Variants in CDH4 observed in about 807,000 individuals in gnomAD.
CDH4 encodes the protein cadherin-4.
CDH4 carries 33 observed loss-of-function variants against 86.0 expected under a neutral mutation model. The observed-to-expected ratio is 0.38, with a 90% confidence interval of 0.29 to 0.51. The LOEUF is 0.51. Ranked by LOEUF, CDH4 falls within the 20% of genes least tolerant of loss-of-function variation. The pLI is 0.86. For missense variants in CDH4, 1,114 were observed against 1,307.4 expected, an observed-to-expected ratio of 0.85 and a Z score of 2.28; for synonymous variants, 555 against 549.4, an observed-to-expected ratio of 1.01 and a Z score of -0.14.
intron 2 of CDH4, among the ~76,000 whole-genome samples, chr20:61,310,493 G>T (rs1568792121): frequency 6.6e-6 from 1 of 152,156 alleles, no homozygotes; most frequent in Non-Finnish European, 1.5e-5. Context: ...CCTCCCATGC[G>T]CGGTTCACAG....
chr20:61,530,181 C>A (rs1407193554), intron 2 of CDH4, among the ~76,000 whole-genome samples: 1 of 152,076 alleles, frequency 6.6e-6, no homozygotes, highest in Non-Finnish European at 1.5e-5. Flanking sequence ...TATAGGGAAC[C>A]ACCCCACACC....
chr20:61,679,845 T>C (rs947267466), intron 2 of CDH4, among the ~76,000 whole-genome samples: 2 of 152,174 alleles, frequency 1.3e-5, no homozygotes, highest in African/African-American at 4.8e-5. Flanking sequence ...GGAGCTTTGC[T>C]TTAGCTCTCA....
At chr20:61,310,783 C>T (rs1474612266) in intron 2 of CDH4, among the ~76,000 whole-genome samples, 2 of 152,152 alleles carry the variant, frequency 1.3e-5, no homozygotes, top group African/African-American at 4.8e-5. Flanking sequence ...GATCCTGTCT[C>T]CTTTTTGTAT....
chr20:61,520,396 A>G (rs919218650), intron 2 of CDH4, among the ~76,000 whole-genome samples: 1 of 152,142 alleles, frequency 6.6e-6, no homozygotes, highest in Non-Finnish European at 1.5e-5. Context: ...TAGCTGTGTG[A>G]CCTCAGGAAA....
intron 2 of CDH4, among the ~76,000 whole-genome samples, chr20:61,687,701 C>T (rs1321863261): frequency 6.6e-6 from 1 of 152,176 alleles, no homozygotes; most frequent in Non-Finnish European, 1.5e-5. Context: ...TGCCTTAAGT[C>T]TGATCAAAGG....
chr20:61,773,481 C>T (rs1345759061), intron 4 of CDH4, among the ~76,000 whole-genome samples: 1 of 152,174 alleles, frequency 6.6e-6, no homozygotes, highest in Non-Finnish European at 1.5e-5. Context: ...CCTTTGACCT[C>T]TGACCCCTTT....
At chr20:61,528,506 A>G (rs1184644193) in intron 2 of CDH4, among the ~76,000 whole-genome samples, 1 of 143,832 alleles carries the variant, frequency 7.0e-6, no homozygotes, top group Non-Finnish European at 1.5e-5. Context: ...ACAGTGGCTC[A>G]CACCTGTAAT....
chr20:61,394,735 C>A (rs1433999440), intron 2 of CDH4, among the ~76,000 whole-genome samples: 2 of 151,246 alleles, frequency 1.3e-5, no homozygotes, highest in African/African-American at 4.9e-5. Flanking sequence ...TCAAAAGGAG[C>A]CAGCAAATCC....
At chr20:61,806,597 C>T (rs369452262) in intron 4 of CDH4, among the ~76,000 whole-genome samples, 2 of 152,220 alleles carry the variant, frequency 1.3e-5, no homozygotes, top group African/African-American at 2.4e-5. Flanking sequence ...GCAGTACCAT[C>T]GGAGCAGGTG....
At position 61,551,266 on chromosome 20, in the gene CDH4, C is replaced by T. The variant is rs75519134; in HGVS notation, c.170-192297C>T. Among the ~76,000 whole-genome samples the T allele has an allele frequency of 9.9e-5, 15 of 152,274 alleles. No individual in the cohort carries two copies. The East Asian group carries it at 1.3e-3, about 14-fold the overall frequency. Reference sequence around the variant, plus strand: ...CTGGATGATGTGCCGGATGTGTAAGCGATGCCTTGTCCTCACTGTCTTGTC... The same window carrying T: ...CTGGATGATGTGCCGGATGTGTAAGTGATGCCTTGTCCTCACTGTCTTGTC... On this transcript the variant is annotated intron_variant, in intron 2 of 15. Transcript: ENST00000614565.
Position 61,549,190 on chromosome 20 carries a change from A to G in CDH4, c.170-194373A>G, listed in dbSNP as rs531090747. On this transcript the variant is annotated intron_variant, in intron 2 of 15. Coordinates refer to ENST00000614565, the MANE Select transcript of CDH4 (RefSeq NM_001794.5). ...TCCTTTTCCTGCAGTCTTGAGAAAC[A>G]GTCCTTCTGACCCCAAGGTTGAACC... is the stretch of plus-strand genomic sequence containing the variant. Among the ~76,000 whole-genome samples, 19 of 152,326 alleles carry G rather than the reference A, an allele frequency of 1.2e-4. No individual in the cohort carries two copies. In the South Asian group the frequency reaches 3.7e-3, roughly 30 times the overall value.
chr20:61,900,932 C>T (rs956281528), intron 8 of CDH4, among the ~76,000 whole-genome samples: 4 of 152,344 alleles, frequency 2.6e-5, no homozygotes, highest in African/African-American at 9.6e-5. Context: ...ATGAGTAAAA[C>T]AGCAACAATA....
chr20:61,265,304 TTA>T (rs1568773140), intron 2 of CDH4, among the ~76,000 whole-genome samples: 4 of 127,764 alleles, frequency 3.1e-5, no homozygotes, highest in African/African-American at 1.3e-4. Context: ...TCATTCAATC[TTA>T]CACATACCCC....
rs181808168 is a variant in CDH4, at chr20:61,690,038, G to T, written c.170-53525G>T. Among the ~76,000 whole-genome samples the T allele has an allele frequency of 1.1e-4, 16 of 150,992 alleles. No homozygotes were observed. In the East Asian group the frequency reaches 2.9e-3, roughly 28 times the overall value. ...TCGGGTGGGGACACTGGTTGGTGAG[G>T]TGATGTGGTCATCCGGCAGGGACGG... On this transcript the variant is annotated intron_variant, in intron 2 of 15. Transcript: ENST00000614565.
intron 2 of CDH4, among the ~76,000 whole-genome samples, chr20:61,690,926 G>T (rs1032911892): frequency 3.9e-5 from 6 of 152,182 alleles, no homozygotes; most frequent in Admixed American, 3.9e-4. Flanking sequence ...GGCACACTTG[G>T]GGGCCACAGC....
At chr20:61,499,174 G>A (rs750570467) in intron 2 of CDH4, among the ~76,000 whole-genome samples, 7 of 152,204 alleles carry the variant, frequency 4.6e-5, no homozygotes, top group Non-Finnish European at 7.3e-5. Flanking sequence ...GCTGCCTGTG[G>A]TTGTGTTTTC....
chr20:61,428,126 A>G (rs1466462494), intron 2 of CDH4, among the ~76,000 whole-genome samples: 1 of 152,170 alleles, frequency 6.6e-6, no homozygotes, highest in Non-Finnish European at 1.5e-5. Context: ...GGGGCCAGGT[A>G]GGAATTCCTT....
intron 9 of CDH4, among the ~76,000 whole-genome samples, chr20:61,912,675 AC>A (rs541054290): frequency 1.6e-3 from 247 of 152,240 alleles, no homozygotes; most frequent in African/African-American, 5.8e-3. Context: ...CTATTTTTTC[AC>A]CGTAAAAGAT....
intron 2 of CDH4, among the ~76,000 whole-genome samples, chr20:61,385,443 G>A (rs1229784506): frequency 2.1e-5 from 3 of 143,674 alleles, no homozygotes; most frequent in Non-Finnish European, 1.5e-5. Flanking sequence ...TGCCACTGAC[G>A]AAATCCCCGC....
Sources: allele counts gnomAD v4.1 joint callset (sites outside exome capture counted in the v4.1 genomes callset), GRCh38; gene constraint gnomAD v4.1.1; transcripts MANE v1.5; gene names NCBI Gene and HGNC (gene_info 2026-07-23, HGNC 2026-07-21).